The following THSD7A variants were observed in gnomAD, a reference collection of about 807,000 sequenced individuals.
THSD7A encodes the protein thrombospondin type 1 domain containing 7A.
In THSD7A, 96 loss-of-function variants were observed where a neutral mutation model predicts 231.3. That is an observed-to-expected ratio of 0.41 (90% CI 0.35 to 0.49). The LOEUF (loss-of-function observed/expected upper bound fraction) is 0.49, where lower values mean the gene tolerates loss of function less well. Among genes scored for constraint, THSD7A ranks in the 20% least tolerant of loss-of-function variants. THSD7A has a pLI of 0.05. For synonymous variants in THSD7A, 940 were observed against 743.3 expected, an observed-to-expected ratio of 1.26 and a Z score of -4.30; for missense variants, 2,290 against 2,070.2, an observed-to-expected ratio of 1.11 and a Z score of -2.06.
intron 1 of THSD7A, among the ~76,000 whole-genome samples, chr7:11,822,943 G>T (rs911442031): frequency 6.6e-6 from 1 of 151,920 alleles, no homozygotes; most frequent in African/African-American, 2.4e-5. Flanking sequence ...GTGTGCAGAA[G>T]GTCTTCAGTT....
chr7:11,487,332 T>C (rs1352911360), intron 6 of THSD7A, among the ~76,000 whole-genome samples: 14 of 152,146 alleles, frequency 9.2e-5, no homozygotes, highest in Admixed American at 9.2e-4. Flanking sequence ...GTGGATAGTC[T>C]TTTTCCTTGG....
chr7:11,544,440 A>G (rs1448682622), intron 4 of THSD7A, among the ~76,000 whole-genome samples: 1 of 152,224 alleles, frequency 6.6e-6, no homozygotes, highest in Non-Finnish European at 1.5e-5. Context: ...CACTTGCAGA[A>G]AAAATGACTT....
At chr7:11,412,467 T>C (rs1276333834) in intron 18 of THSD7A, among the ~76,000 whole-genome samples, 189 bp downstream of exon 18, 2 of 152,066 alleles carry the variant, frequency 1.3e-5, no homozygotes, top group Middle Eastern at 3.4e-3. Flanking sequence ...ATTTCCTCTA[T>C]CTTAGTGTTT....
At chr7:11,611,361 A>G (rs1043950971) in intron 2 of THSD7A, among the ~76,000 whole-genome samples, 1 of 152,028 alleles carries the variant, frequency 6.6e-6, no homozygotes, top group Admixed American at 6.6e-5. Context: ...TCATTATTAA[A>G]TCAGCTACAT....
At chr7:11,519,684 C>A (rs542166436) in intron 6 of THSD7A, among the ~76,000 whole-genome samples, 1 of 152,182 alleles carries the variant, frequency 6.6e-6, no homozygotes, top group Non-Finnish European at 1.5e-5. Flanking sequence ...TAGGATGTCT[C>A]TTTGGAAAAA....
chr7:11,536,021 G>T (rs146798302), intron 6 of THSD7A, among the ~76,000 whole-genome samples: 1 of 152,268 alleles, frequency 6.6e-6, no homozygotes, highest in East Asian at 1.9e-4. Flanking sequence ...TTATAAATGT[G>T]CTCTTCCATT....
In THSD7A at chr7:11,530,836, C is replaced by G. The variant is rs1027333254; in HGVS notation, c.1822+10583G>C. On this transcript the variant is annotated intron_variant, in intron 6 of 27. Transcript: ENST00000423059. ...GACCAGCCTGGTCAATACAGTGAAG[C>G]CTGGTCTCTACTAAAAATACAAAAA... Among the ~76,000 whole-genome samples, 31 of 152,186 alleles carry G rather than the reference C, an allele frequency of 2.0e-4. 1 individual carries two copies. Among genetic ancestry groups the G allele is most frequent in the Admixed American group, 5.2e-4 (8 of 15,268 alleles).
At chr7:11,559,669 A>G (rs2354957) in intron 4 of THSD7A, among the ~76,000 whole-genome samples, 73,168 of 151,772 alleles carry the variant, frequency 0.48, 18,060 homozygotes, top group Admixed American at 0.6. Context: ...GAGAATAAAA[A>G]AAGATGGAAG....
At chr7:11,475,568 A>G (rs898979444) in intron 7 of THSD7A, among the ~76,000 whole-genome samples, 1 of 148,018 alleles carries the variant, frequency 6.8e-6, no homozygotes, top group Non-Finnish European at 1.5e-5. Flanking sequence ...TATATAACAT[A>G]TATGTATATA....
At chr7:11,399,018 G>T (rs570600459) in intron 23 of THSD7A, among the ~76,000 whole-genome samples, 1 of 152,092 alleles carries the variant, frequency 6.6e-6, no homozygotes, top group Non-Finnish European at 1.5e-5. Flanking sequence ...CTTCTACCAG[G>T]TCTATTACCA....
intron 1 of THSD7A, among the ~76,000 whole-genome samples, chr7:11,784,211 T>C (rs960071833): frequency 1.3e-5 from 2 of 151,716 alleles, no homozygotes; most frequent in Non-Finnish European, 2.9e-5. Flanking sequence ...CGTGTGTGTA[T>C]ACATATATAT....
intron 4 of THSD7A, among the ~76,000 whole-genome samples, chr7:11,560,658 T>C (rs567562047): frequency 8.5e-5 from 13 of 152,262 alleles, no homozygotes; most frequent in Non-Finnish European, 1.5e-4. Context: ...GCCCATTTAT[T>C]GAAACTCCTT....
chr7:11,409,399 C>T (rs541114258), intron 19 of THSD7A, among the ~76,000 whole-genome samples: 1 of 152,250 alleles, frequency 6.6e-6, no homozygotes, highest in South Asian at 2.1e-4. Flanking sequence ...AACTAGGAGT[C>T]CCTAATTGCC....
At chr7:11,437,300 C>A (rs1160531930) in intron 13 of THSD7A, among the ~76,000 whole-genome samples, 1 of 152,102 alleles carries the variant, frequency 6.6e-6, no homozygotes, top group Non-Finnish European at 1.5e-5. Context: ...CTCATCACCT[C>A]CTCTGTGCTC....
intron 1 of THSD7A, chr7:11,820,914 G>C (rs1784855672): frequency 1.1e-6 from 1 of 928,774 alleles, no homozygotes. Flanking sequence ...TGATTCTCTA[G>C]ATTTACCTCG....
intron 6 of THSD7A, among the ~76,000 whole-genome samples, chr7:11,528,348 TTC>T (rs1324796096): frequency 5.3e-5 from 8 of 152,276 alleles, no homozygotes; most frequent in African/African-American, 1.9e-4. Context: ...CTTGGATATA[TTC>T]TCTCTGTTAG....
At chr7:11,722,698 T>C (rs960661628) in intron 1 of THSD7A, among the ~76,000 whole-genome samples, 24 of 152,044 alleles carry the variant, frequency 1.6e-4, no homozygotes, top group African/African-American at 5.8e-4. Context: ...AGAGAAGACA[T>C]TTATGCAGCC....
chr7:11,586,492 T>A (rs1779909444), intron 4 of THSD7A, among the ~76,000 whole-genome samples: 2 of 152,198 alleles, frequency 1.3e-5, no homozygotes, highest in African/African-American at 4.8e-5. Context: ...ATGTAAAATA[T>A]TCTTACCTAC....
chr7:11,524,737 A>C (rs906249213), intron 6 of THSD7A, among the ~76,000 whole-genome samples: 1 of 152,180 alleles, frequency 6.6e-6, no homozygotes, highest in African/African-American at 2.4e-5. Flanking sequence ...ACCATTCTGC[A>C]TCAAAAGAAT....
Sources: allele counts gnomAD v4.1 joint callset (sites outside exome capture counted in the v4.1 genomes callset), GRCh38; gene constraint gnomAD v4.1.1; transcripts MANE v1.5; gene names NCBI Gene and HGNC (gene_info 2026-07-23, HGNC 2026-07-21).